PPP4R4: variants seen among roughly 807,000 people sequenced by gnomAD.
PPP4R4 encodes protein phosphatase 4 regulatory subunit 4.
PPP4R4 carries 70 observed loss-of-function variants against 121.8 expected under a neutral mutation model. The ratio of observed to expected loss-of-function variants is 0.57; its 90% confidence interval spans 0.47 to 0.70. The LOEUF (loss-of-function observed/expected upper bound fraction) is 0.70, where lower values mean the gene tolerates loss of function less well. Among genes scored for constraint, PPP4R4 ranks in the 30% least tolerant of loss-of-function variants. The probability of loss-of-function intolerance (pLI) is 0.00; values close to 1 mark genes in which losing one functional copy is unlikely to be tolerated. For missense variants in PPP4R4, 875 were observed against 1,033.6 expected, an observed-to-expected ratio of 0.85 and a Z score of 2.10; for synonymous variants, 348 against 355.7, an observed-to-expected ratio of 0.98 and a Z score of 0.24.
chr14:94,242,603 A>G (rs189744402), intron 11 of PPP4R4, among the ~76,000 whole-genome samples, 195 bp downstream of exon 11: 1 of 152,218 alleles, frequency 6.6e-6, no homozygotes, highest in Admixed American at 6.5e-5. Context: ...TAAATACATT[A>G]TATTTGTGTA....
intron 3 of PPP4R4, among the ~76,000 whole-genome samples, chr14:94,226,936 G>A (rs1204975448): frequency 1.3e-5 from 2 of 152,108 alleles, no homozygotes; most frequent in African/African-American, 4.8e-5. Flanking sequence ...TCTATATTGT[G>A]TATTTTAAGG....
chr14:94,200,805 A>AT (rs112877757), intron 2 of PPP4R4, among the ~76,000 whole-genome samples: 5,056 of 145,164 alleles, frequency 0.035, 273 homozygotes, highest in African/African-American at 0.12. Flanking sequence ...TATCTTTTGT[A>AT]TTTTTTTTTT....
At chr14:94,242,040 ATTT>A in intron 10 of PPP4R4, 83 bp downstream of exon 10, 1 of 1,349,468 alleles carries the variant, frequency 7.4e-7, no homozygotes, top group Non-Finnish European at 1.0e-6. Flanking sequence ...AAATATTGCC[ATTT>A]TTGACACTTG....
chr14:94,206,253 T>A (rs1890452603), intron 2 of PPP4R4, among the ~76,000 whole-genome samples: 1 of 151,992 alleles, frequency 6.6e-6, no homozygotes, highest in Admixed American at 6.6e-5. Flanking sequence ...TCTCTGAGAT[T>A]TACTTTACTT....
chr14:94,186,836 GA>G (rs1889311857), intron 2 of PPP4R4, among the ~76,000 whole-genome samples: 1 of 152,096 alleles, frequency 6.6e-6, no homozygotes, highest in African/African-American at 2.4e-5. Context: ...TTGTTCTATT[GA>G]TTACAGAGAG....
chr14:94,244,932 A>G (rs919959953), intron 12 of PPP4R4, among the ~76,000 whole-genome samples: 2 of 152,138 alleles, frequency 1.3e-5, no homozygotes, highest in African/African-American at 2.4e-5. Flanking sequence ...TAGTATATGT[A>G]TATTTGTTTA....
chr14:94,246,655 G>C, intron 14 of PPP4R4, 116 bp downstream of exon 14: 2 of 1,167,722 alleles, frequency 1.7e-6, no homozygotes, highest in Non-Finnish European at 2.4e-6. Context: ...ATTCTACCTA[G>C]GAGGATGTCA....
At chr14:94,196,159 T>TC (rs973732897) in intron 2 of PPP4R4, among the ~76,000 whole-genome samples, 2 of 94,856 alleles carry the variant, frequency 2.1e-5, no homozygotes, top group Non-Finnish European at 5.3e-5. Flanking sequence ...TGCTTTTGAA[T>TC]CTTTTTTTTT....
At chr14:94,223,251 T>C (rs562832782) in intron 3 of PPP4R4, among the ~76,000 whole-genome samples, 1 of 152,206 alleles carries the variant, frequency 6.6e-6, no homozygotes, top group African/African-American at 2.4e-5. Flanking sequence ...TATTATTGAT[T>C]ATGTGCTTGG....
chr14:94,226,995 T>C (rs1891744356), intron 3 of PPP4R4, among the ~76,000 whole-genome samples: 1 of 152,202 alleles, frequency 6.6e-6, no homozygotes, highest in Non-Finnish European at 1.5e-5. Context: ...GAGACAGCTA[T>C]TTCCCTCTCT....
intron 2 of PPP4R4, among the ~76,000 whole-genome samples, chr14:94,205,383 A>G (rs1322157118): frequency 6.6e-6 from 1 of 151,974 alleles, no homozygotes; most frequent in Admixed American, 6.6e-5. Context: ...GTCTGTAGAG[A>G]TACCTACCGT....
At chr14:94,188,995 A>G (rs1889448343) in intron 2 of PPP4R4, among the ~76,000 whole-genome samples, 1 of 152,188 alleles carries the variant, frequency 6.6e-6, no homozygotes, top group Non-Finnish European at 1.5e-5. Flanking sequence ...CTGATAATTC[A>G]TATATTGTTG....
intron 3 of PPP4R4, among the ~76,000 whole-genome samples, chr14:94,211,536 T>G (rs10132066): frequency 0.55 from 83,330 of 151,888 alleles, 25,400 homozygotes; most frequent in African/African-American, 0.82. Context: ...CAGTGGATGG[T>G]GTGGGGTGTG....
chr14:94,229,888 CTT>C (rs1439044854), intron 3 of PPP4R4, among the ~76,000 whole-genome samples: 2 of 152,076 alleles, frequency 1.3e-5, no homozygotes, highest in Non-Finnish European at 2.9e-5. Flanking sequence ...ACAGTAATAT[CTT>C]TGAGGCTTAC....
Position 94,233,645 on chromosome 14 carries a change from C to T in PPP4R4, c.517-8C>T, listed in dbSNP as rs754492282. ...TTGTGAATTTTTTTCTCTAAATTTT[C>T]TCTTTAGATTTTGAATCCACTTGTT... On this transcript the variant is annotated splice_polypyrimidine_tract_variant and splice_region_variant and intron_variant, in intron 5 of 24. Transcript: ENST00000304338. The T allele has an allele frequency of 2.0e-6, 3 of 1,533,352 alleles. No homozygotes were observed. The South Asian group carries it at 3.5e-5, about 18-fold the overall frequency. 95.0% of individuals were successfully genotyped at this position (1,533,352 alleles called of 1,614,324 possible).
In PPP4R4 at chr14:94,230,551, A is replaced by T. The variant is rs367586193; in HGVS notation, c.295-36A>T. The T allele has an allele frequency of 1.3e-4, 211 of 1,563,384 alleles. 1 individual carries two copies. The highest frequency in any genetic ancestry group is 1.7e-4 in the Middle Eastern group (1 of 5,886). On this transcript the variant is annotated intron_variant, in intron 3 of 24. Coordinates refer to ENST00000304338, the MANE Select transcript of PPP4R4 (RefSeq NM_058237.2). ...TAAAAATTATAATTTGTGATCTCTC[A>T]TCTATGTAAATAGCAAACTCTTTCT...
At position 94,262,282 on chromosome 14, in the gene PPP4R4, C is replaced by A. The variant is rs28869777; in HGVS notation, c.2128-2596C>A. 2.0e-3 allele frequency among the ~76,000 whole-genome samples: 303 copies of A among 152,044 alleles called. 1 individual carries two copies. The highest frequency in any genetic ancestry group is 6.9e-3 in the African/African-American group (288 of 41,556). Reference sequence around the variant, plus strand: ...TGTTGTCAATTTTGGTAAGTTGCTTCCCTTCCACCCCAGTTTACATGTTAT... The same window carrying A: ...TGTTGTCAATTTTGGTAAGTTGCTTACCTTCCACCCCAGTTTACATGTTAT... On this transcript the variant is annotated intron_variant, in intron 19 of 24. Transcript: ENST00000304338.
chr14:94,218,953 TAAA>T (rs1891228267), intron 3 of PPP4R4, among the ~76,000 whole-genome samples: 1 of 151,638 alleles, frequency 6.6e-6, no homozygotes, highest in East Asian at 1.9e-4. Context: ...TATACCCAGT[TAAA>T]ATACCTTTCC....
intron 2 of PPP4R4, among the ~76,000 whole-genome samples, chr14:94,182,539 G>A (rs1342166931): frequency 1.3e-5 from 2 of 152,138 alleles, no homozygotes; most frequent in Non-Finnish European, 2.9e-5. Context: ...TACCTTTTGT[G>A]TATAGCTGCT....
Sources: allele counts gnomAD v4.1 joint callset (sites outside exome capture counted in the v4.1 genomes callset), GRCh38; gene constraint gnomAD v4.1.1; transcripts MANE v1.5; gene names NCBI Gene and HGNC (gene_info 2026-07-23, HGNC 2026-07-21).